Variants in CA8 observed in about 807,000 individuals in gnomAD.
CA8 encodes the protein carbonic anhydrase 8 (inactive), also known as carbonic anhydrase-related protein.
A neutral mutation model predicts 41.4 loss-of-function variants in CA8; 22 were observed. That is an observed-to-expected ratio of 0.53 (90% CI 0.38 to 0.76). CA8 has a LOEUF of 0.76. Among genes scored for constraint, CA8 ranks in the 30% least tolerant of loss-of-function variants. The pLI, the probability that CA8 is intolerant of heterozygous loss-of-function variation, is 0.00. For missense variants in CA8, 270 were observed against 352.8 expected (o/e 0.77, Z 1.88); for synonymous variants, 121 against 130.6 (o/e 0.93, Z 0.50).
chr8:60,215,160 T>A (rs891690305), intron 7 of CA8, among the ~76,000 whole-genome samples: 3 of 152,208 alleles, frequency 2.0e-5, no homozygotes, highest in Non-Finnish European at 4.4e-5. Flanking sequence ...GAAATCAGAA[T>A]ATGTCTTAAA....
At chr8:60,246,684 C>G (rs1808249749) in intron 3 of CA8, among the ~76,000 whole-genome samples, 1 of 151,964 alleles carries the variant, frequency 6.6e-6, no homozygotes. Flanking sequence ...TTAAAAATGC[C>G]AAGGACTATC....
intron 3 of CA8, among the ~76,000 whole-genome samples, chr8:60,253,521 CT>C (rs1352001533): frequency 6.6e-6 from 1 of 152,238 alleles, no homozygotes; most frequent in East Asian, 1.9e-4. Flanking sequence ...CCATCCACAT[CT>C]TTTTTTCCCA....
chr8:60,211,850 A>G (rs541671587), intron 7 of CA8, among the ~76,000 whole-genome samples: 1 of 152,220 alleles, frequency 6.6e-6, no homozygotes, highest in Non-Finnish European at 1.5e-5. Flanking sequence ...TTTCAAGTGC[A>G]TACTGAATCA....
At chr8:60,242,549 C>T (rs767573260) in intron 3 of CA8, among the ~76,000 whole-genome samples, 2 of 152,096 alleles carry the variant, frequency 1.3e-5, no homozygotes, top group Non-Finnish European at 2.9e-5. Flanking sequence ...CAAGGTTATC[C>T]GCAAAGACAA....
At chr8:60,244,223 C>T (rs577765976) in intron 3 of CA8, among the ~76,000 whole-genome samples, 21 of 152,260 alleles carry the variant, frequency 1.4e-4, no homozygotes, top group Non-Finnish European at 2.8e-4. Flanking sequence ...TTGGCTGATT[C>T]CCATCACCAG....
At chr8:60,257,759 T>C (rs1318963691) in intron 3 of CA8, among the ~76,000 whole-genome samples, 2 of 152,232 alleles carry the variant, frequency 1.3e-5, no homozygotes, top group Non-Finnish European at 2.9e-5. Context: ...TAGCACAATG[T>C]CTTCCACATA....
intron 4 of CA8, among the ~76,000 whole-genome samples, chr8:60,231,308 G>A (rs909123219): frequency 5.3e-5 from 8 of 152,126 alleles, no homozygotes; most frequent in South Asian, 2.1e-4. Context: ...TTTCTATGAC[G>A]TGTCATATTT....
intron 3 of CA8, among the ~76,000 whole-genome samples, chr8:60,239,372 G>T (rs752694041): frequency 2.0e-5 from 3 of 152,172 alleles, no homozygotes; most frequent in Non-Finnish European, 4.4e-5. Flanking sequence ...AAAGGTACAG[G>T]GAGCAGATAC....
At chr8:60,226,245 T>C (rs1035380238) in intron 5 of CA8, among the ~76,000 whole-genome samples, 1 of 152,172 alleles carries the variant, frequency 6.6e-6, no homozygotes, top group Non-Finnish European at 1.5e-5. Flanking sequence ...TAAAGGCCTG[T>C]CTTCAGGACT....
At chr8:60,242,174 C>T (rs1808051199) in intron 3 of CA8, among the ~76,000 whole-genome samples, 1 of 152,154 alleles carries the variant, frequency 6.6e-6, no homozygotes, top group African/African-American at 2.4e-5. Context: ...AGGATTAGTG[C>T]ACAATCGAAA....
intron 3 of CA8, among the ~76,000 whole-genome samples, chr8:60,244,126 T>C (rs1808138570): frequency 6.6e-6 from 1 of 152,168 alleles, no homozygotes; most frequent in African/African-American, 2.4e-5. Flanking sequence ...AAGCCAGAAA[T>C]CTCTTCCATC....
At chr8:60,191,489 A>C (rs982964025) in intron 8 of CA8, among the ~76,000 whole-genome samples, 1 of 152,136 alleles carries the variant, frequency 6.6e-6, no homozygotes, top group Non-Finnish European at 1.5e-5. Context: ...CATGTTAAAA[A>C]ATACTGTATC....
intron 8 of CA8, among the ~76,000 whole-genome samples, chr8:60,196,204 A>T (rs978809287): frequency 2.0e-5 from 3 of 152,172 alleles, no homozygotes; most frequent in African/African-American, 7.2e-5. Flanking sequence ...TTTTTCAATA[A>T]AAAAATTAAA....
intron 3 of CA8, among the ~76,000 whole-genome samples, chr8:60,233,016 T>C (rs1221729617): frequency 6.6e-6 from 1 of 152,222 alleles, no homozygotes; most frequent in African/African-American, 2.4e-5. Context: ...CCCTCACTCC[T>C]AGCCTCATAA....
At chr8:60,255,046 G>C (rs1023235325) in intron 3 of CA8, among the ~76,000 whole-genome samples, 1 of 152,134 alleles carries the variant, frequency 6.6e-6, no homozygotes, top group Non-Finnish European at 1.5e-5. Context: ...TGGGGAATTT[G>C]AGAGAGTCAT....
At chr8:60,217,524 G>C (rs79158583) in intron 7 of CA8, among the ~76,000 whole-genome samples, 2,698 of 152,242 alleles carry the variant, frequency 0.018, 80 homozygotes, top group African/African-American at 0.06. Flanking sequence ...CTCGTTCTCT[G>C]AATCAGTTCT....
At chr8:60,255,672 C>T (rs974472429) in intron 3 of CA8, among the ~76,000 whole-genome samples, 1 of 152,184 alleles carries the variant, frequency 6.6e-6, no homozygotes, top group African/African-American at 2.4e-5. Context: ...TGTCTTCCTT[C>T]TGTACTTAAT....
In CA8 at chr8:60,185,913, T is replaced by A. The variant is rs776024465; in HGVS notation, c.*4108A>T. ...ATTATGAAAGACAGTATAAATGCAT[T>A]TCTTCCTTCTCTTAAAGAGCAATTG... On this transcript the variant is annotated 3_prime_UTR_variant, in exon 9 of 9. Transcript: ENST00000317995. Among the ~76,000 whole-genome samples, 137 of 152,158 alleles carry A rather than the reference T, an allele frequency of 9.0e-4. No homozygotes were observed. Among genetic ancestry groups the A allele is most frequent in the Non-Finnish European group, 1.6e-3 (110 of 67,954 alleles).
At chr8:60,193,551 G>C (rs372998474) in intron 8 of CA8, among the ~76,000 whole-genome samples, 4 of 152,298 alleles carry the variant, frequency 2.6e-5, no homozygotes, top group African/African-American at 7.2e-5. Context: ...CACACACTGG[G>C]TTAAAAGTTT....
Sources: allele counts gnomAD v4.1 joint callset (sites outside exome capture counted in the v4.1 genomes callset), GRCh38; gene constraint gnomAD v4.1.1; transcripts MANE v1.5; gene names NCBI Gene and HGNC (gene_info 2026-07-23, HGNC 2026-07-21).